LYPLAL1: variants seen among roughly 807,000 people sequenced by gnomAD.
LYPLAL1 encodes the protein lysophospholipase-like protein 1.
In LYPLAL1, 23 loss-of-function variants were observed where a neutral mutation model predicts 19.7. That is an observed-to-expected ratio of 1.17 (90% CI 0.84 to 1.65). LYPLAL1 has a LOEUF of 1.65. Among genes scored for constraint, LYPLAL1 ranks in the 40% most tolerant of loss-of-function variants. LYPLAL1 has a pLI of 0.00. For missense variants in LYPLAL1, 355 were observed against 279.4 expected, an observed-to-expected ratio of 1.27 and a Z score of -1.93; for synonymous variants, 119 against 96.3, an observed-to-expected ratio of 1.24 and a Z score of -1.38.
the LYPLAL1 span, among the ~76,000 whole-genome samples, chr1:219,337,284 C>A: frequency 2.0e-5 from 3 of 151,942 alleles, no homozygotes; most frequent in Admixed American, 2.0e-4. Context: ...ACACAGACAT[C>A]TTTTGGAGGG....
chr1:219,181,155 T>G (rs1656243426), intron 2 of LYPLAL1, among the ~76,000 whole-genome samples: 1 of 152,214 alleles, frequency 6.6e-6, no homozygotes, highest in African/African-American at 2.4e-5. Context: ...CGGTATAAAA[T>G]TATTAAAGTG....
At chr1:219,327,512 C>G in the LYPLAL1 span, among the ~76,000 whole-genome samples, 94 of 152,076 alleles carry the variant, frequency 6.2e-4, no homozygotes, top group Non-Finnish European at 1.2e-3. Context: ...TGGAGGGGAA[C>G]GAGAGGTAGT....
At chr1:219,181,114 C>T (rs1233944653) in intron 2 of LYPLAL1, among the ~76,000 whole-genome samples, 2 of 152,004 alleles carry the variant, frequency 1.3e-5, no homozygotes, top group African/African-American at 2.4e-5. Flanking sequence ...TTTTATTTAA[C>T]CCAGTATATT....
chr1:219,278,176 A>G, the LYPLAL1 span, among the ~76,000 whole-genome samples: 2 of 152,208 alleles, frequency 1.3e-5, no homozygotes, highest in Non-Finnish European at 2.9e-5. Flanking sequence ...TAACAAAAGC[A>G]AACTAGAACA....
At chr1:219,412,525 G>T in the LYPLAL1 span, among the ~76,000 whole-genome samples, 1 of 152,206 alleles carries the variant, frequency 6.6e-6, no homozygotes, top group Non-Finnish European at 1.5e-5. Context: ...CAGATGCATA[G>T]CATGATACCT....
the LYPLAL1 span, chr1:219,271,425 C>G: frequency 9.6e-5 from 11 of 114,522 alleles, no homozygotes; most frequent in Non-Finnish European, 1.7e-4. Flanking sequence ...TTGACATTTT[C>G]TATTTTTCTA....
the LYPLAL1 span, among the ~76,000 whole-genome samples, chr1:219,412,429 C>T: frequency 2.0e-5 from 3 of 152,192 alleles, no homozygotes; most frequent in Admixed American, 1.3e-4. Context: ...ACAAAACATA[C>T]TATTGTTTTT....
At chr1:219,236,391 C>A in the LYPLAL1 span, among the ~76,000 whole-genome samples, 18 of 152,198 alleles carry the variant, frequency 1.2e-4, no homozygotes, top group African/African-American at 4.3e-4. Context: ...AATGATACCT[C>A]CATTTTGTAT....
the LYPLAL1 span, chr1:219,225,337 T>G: frequency 1.3e-5 from 2 of 152,162 alleles, no homozygotes; most frequent in Non-Finnish European, 2.9e-5. Context: ...CTGGTGAGAT[T>G]TAATATAAAG....
the LYPLAL1 span, among the ~76,000 whole-genome samples, chr1:219,259,936 C>A: frequency 8.6e-6 from 1 of 116,062 alleles, no homozygotes; most frequent in Non-Finnish European, 1.9e-5. Context: ...GTAATTAAAC[C>A]AACACTCATA....
the LYPLAL1 span, among the ~76,000 whole-genome samples, chr1:219,289,901 CA>C: frequency 2.6e-5 from 4 of 152,206 alleles, no homozygotes; most frequent in Non-Finnish European, 5.9e-5. Context: ...CCTTTTTCAT[CA>C]GAGAAACACA....
At chr1:219,364,219 T>A in the LYPLAL1 span, among the ~76,000 whole-genome samples, 4 of 152,138 alleles carry the variant, frequency 2.6e-5, no homozygotes, top group African/African-American at 9.7e-5. Flanking sequence ...ATAACCCAAG[T>A]CTAGCTCTAC....
chr1:219,439,044 G>A, the LYPLAL1 span, among the ~76,000 whole-genome samples: 2 of 151,902 alleles, frequency 1.3e-5, no homozygotes, highest in African/African-American at 4.8e-5. Context: ...TTTGCTCTCC[G>A]ACTCACTCAA....
At chr1:219,205,220 G>A (rs1409614970) in intron 3 of LYPLAL1, among the ~76,000 whole-genome samples, 2 of 151,214 alleles carry the variant, frequency 1.3e-5, no homozygotes, top group South Asian at 4.2e-4. Flanking sequence ...AGCCGGGCGC[G>A]GTGGCGGGCG....
chr1:219,316,463 T>C, the LYPLAL1 span, among the ~76,000 whole-genome samples: 1 of 152,178 alleles, frequency 6.6e-6, no homozygotes, highest in African/African-American at 2.4e-5. Flanking sequence ...ATAGGATGAG[T>C]GGAAAGTGTT....
intron 1 of LYPLAL1, among the ~76,000 whole-genome samples, chr1:219,178,176 T>C (rs1572149777): frequency 6.6e-6 from 1 of 152,254 alleles, no homozygotes; most frequent in South Asian, 2.1e-4. Context: ...TATAGGCTAG[T>C]GCATTTATTG....
chr1:219,191,720 T>G (rs186576095), intron 2 of LYPLAL1, among the ~76,000 whole-genome samples: 1 of 151,636 alleles, frequency 6.6e-6, no homozygotes, highest in East Asian at 1.9e-4. Flanking sequence ...ATGAAAAACA[T>G]CTAAACAATG....
chr1:219,308,408 G>A, the LYPLAL1 span, among the ~76,000 whole-genome samples: 1 of 152,196 alleles, frequency 6.6e-6, no homozygotes. Flanking sequence ...ATGAGGAGCT[G>A]AATTTTAATC....
the LYPLAL1 span, among the ~76,000 whole-genome samples, chr1:219,244,741 T>A: frequency 6.6e-6 from 1 of 151,446 alleles, no homozygotes; most frequent in South Asian, 2.1e-4. Flanking sequence ...AGGTCAGGAG[T>A]CGGAGACCAG....
Sources: allele counts gnomAD v4.1 joint callset (sites outside exome capture counted in the v4.1 genomes callset), GRCh38; gene constraint gnomAD v4.1.1; transcripts MANE v1.5; gene names NCBI Gene and HGNC (gene_info 2026-07-23, HGNC 2026-07-21).